BCAS3: variants seen among roughly 807,000 people sequenced by gnomAD.
The protein encoded by BCAS3 is BCAS4/BCAS3 fusion.
A neutral mutation model predicts 116.1 loss-of-function variants in BCAS3; 53 were observed. That is an observed-to-expected ratio of 0.46 (90% confidence interval 0.37 to 0.57). BCAS3 has a LOEUF of 0.57. BCAS3 is among the 20% of genes least tolerant of loss of function. The pLI is 0.00. For missense variants in BCAS3, 917 were observed against 1,165.4 expected, an observed-to-expected ratio of 0.79 and a Z score of 3.10; for synonymous variants, 391 against 408.2, an observed-to-expected ratio of 0.96 and a Z score of 0.51.
Position 60,952,688 on chromosome 17 carries a change from G to T in BCAS3, c.1221+5336G>T, listed in dbSNP as rs145907039. On this transcript the variant is annotated intron_variant, in intron 14 of 23. Coordinates refer to ENST00000407086, the MANE Select transcript of BCAS3 (RefSeq NM_017679.5). Reference sequence around the variant, plus strand: ...ATGTAGGTATATTCATGTCATGGGGGATTGTTGTACAGATTATTTTGCCAT... The same window carrying T: ...ATGTAGGTATATTCATGTCATGGGGTATTGTTGTACAGATTATTTTGCCAT... 3.4e-3 allele frequency among the ~76,000 whole-genome samples: 513 copies of T among 152,162 alleles called. 3 individuals carry two copies. The highest frequency in any genetic ancestry group is 0.012 in the African/African-American group (478 of 41,512).
At position 61,093,715 on chromosome 17, in the gene BCAS3, A is replaced by C. The variant is rs190126743; in HGVS notation, c.2425+9151A>C. ...TATGAATTGCACTGATGCCTTTTTA[A>C]AATTTTTATTTTTTCTTGGGTTCTT... On this transcript the variant is annotated intron_variant, in intron 22 of 23. Transcript: ENST00000407086. Among the ~76,000 whole-genome samples the C allele has an allele frequency of 3.9e-5, 6 of 152,298 alleles. No homozygotes were observed. The East Asian group carries it at 1.2e-3, about 29-fold the overall frequency.
At chr17:60,682,942 T>G (rs1172846898) in intron 2 of BCAS3, among the ~76,000 whole-genome samples, 1 of 152,112 alleles carries the variant, frequency 6.6e-6, no homozygotes, top group Non-Finnish European at 1.5e-5. Context: ...TCCCCTTCCC[T>G]TTTTTTGTTT....
rs2059503436 is a variant in BCAS3 at position 61,379,608 on chromosome 17, C to G, written c.2593+11114C>G. On this transcript the variant is annotated intron_variant, in intron 23 of 23. Transcript: ENST00000407086. This position sits in a 1 kb window ranked among gnomAD's most constrained non-coding sequence, Gnocchi z 5.5. ...TTTACTTATTTCTTCCTGCCCACTC[C>G]TCCTCCCACGTCACCCCTGCCCCCG... 6.6e-6 allele frequency: 1 copy of G among 152,198 alleles called. No homozygotes were observed. Among genetic ancestry groups the G allele is most frequent in the Non-Finnish European group, 1.5e-5 (1 of 68,048 alleles). 9.4% of individuals were successfully genotyped at this position (152,198 alleles called of 1,614,324 possible). A position where few individuals can be genotyped will look rare whatever the true frequency, so the allele number is the denominator to read the frequency against.
intron 22 of BCAS3, among the ~76,000 whole-genome samples, chr17:61,311,770 T>C (rs1364919002): frequency 1.3e-5 from 2 of 152,118 alleles, no homozygotes; most frequent in African/African-American, 4.8e-5. Flanking sequence ...GGCGGGCGCC[T>C]GTAGTCCCAG....
rs1298755762 is a variant in BCAS3, at chr17:61,026,478, A to C, written c.1638-8188A>C. On this transcript the variant is annotated intron_variant, in intron 16 of 23. Transcript: ENST00000407086. The surrounding 1 kb of genome is among the most constrained non-coding windows in gnomAD (Gnocchi z 5.0). ...ATCCAGTCATCGTTAGCTAATTTTA[A>C]CCATTTTGTGTCACATAGCTACACA... Among the ~76,000 whole-genome samples the C allele has an allele frequency of 6.6e-6, 1 of 152,164 alleles. No homozygotes were observed. The highest frequency in any genetic ancestry group is 1.9e-4 in the East Asian group (1 of 5,194).
At chr17:61,119,647 A>T (rs898345865) in intron 22 of BCAS3, among the ~76,000 whole-genome samples, 2 of 152,004 alleles carry the variant, frequency 1.3e-5, no homozygotes, top group Non-Finnish European at 2.9e-5. Flanking sequence ...CCATTATACA[A>T]TTACTCTAGA....
At chr17:61,272,007 G>A (rs116754141) in intron 22 of BCAS3, among the ~76,000 whole-genome samples, 2,355 of 148,706 alleles carry the variant, frequency 0.016, 75 homozygotes, top group African/African-American at 0.058. Context: ...ATGATGTATC[G>A]TTCTGTTGCC....
chr17:60,726,227 G>A (rs1239145375), intron 5 of BCAS3, among the ~76,000 whole-genome samples: 1 of 122,414 alleles, frequency 8.2e-6, no homozygotes, highest in South Asian at 2.6e-4. Context: ...TTGAGACAGA[G>A]TCTCACTCTG....
rs980728934 is a variant in BCAS3 at position 61,156,574 on chromosome 17, C to T, written c.2425+72010C>T. ...TCTCTCACCTTCTCCCTACCCAACC[C>T]CTGCCTCCCCTTTTATTTTTATGTC... On this transcript the variant is annotated intron_variant, in intron 22 of 23. Coordinates refer to ENST00000407086, the MANE Select transcript of BCAS3 (RefSeq NM_017679.5). This position sits in a 1 kb window ranked among gnomAD's most constrained non-coding sequence, Gnocchi z 4.7. Among the ~76,000 whole-genome samples the T allele has an allele frequency of 3.3e-5, 5 of 152,112 alleles. No homozygotes were observed. The highest frequency in any genetic ancestry group is 2.0e-4 in the Admixed American group (3 of 15,264).
At chr17:60,729,315 C>CTTT (rs560082947) in intron 5 of BCAS3, among the ~76,000 whole-genome samples, 2 of 109,086 alleles carry the variant, frequency 1.8e-5, no homozygotes, top group African/African-American at 6.6e-5. Context: ...TATGTGGACT[C>CTTT]TTTTTTTTTT....
intron 22 of BCAS3, among the ~76,000 whole-genome samples, chr17:61,154,595 T>A (rs958245850): frequency 6.6e-6 from 1 of 151,964 alleles, no homozygotes; most frequent in Non-Finnish European, 1.5e-5. Flanking sequence ...CCACCACACC[T>A]GACTAATTTT....
chr17:61,186,261 A>G lies in BCAS3; in HGVS notation c.2425+101697A>G, dbSNP rs2079769528. Among the ~76,000 whole-genome samples, 1 of 152,176 alleles carries G rather than the reference A, an allele frequency of 6.6e-6. No individual in the cohort carries two copies. The highest frequency in any genetic ancestry group is 2.4e-5 in the African/African-American group (1 of 41,454). ...TTATTTATATATTCATACACATTCTATAAAACCATTTTTAACCCATATGTT... is the reference window on the plus strand; with the variant it reads ...TTATTTATATATTCATACACATTCTGTAAAACCATTTTTAACCCATATGTT... On this transcript the variant is annotated intron_variant, in intron 22 of 23. Transcript: ENST00000407086. This position sits in a 1 kb window ranked among gnomAD's most constrained non-coding sequence, Gnocchi z 4.9.
At chr17:60,712,647 T>G (rs185331503) in intron 5 of BCAS3, among the ~76,000 whole-genome samples, 2 of 152,286 alleles carry the variant, frequency 1.3e-5, no homozygotes, top group Admixed American at 1.3e-4. Context: ...GTGAGTAGTT[T>G]TGTAGTTAAG....
rs916284342 is a variant in BCAS3 at position 60,994,037 on chromosome 17, T to G, written c.1486+3802T>G. 1.3e-5 allele frequency among the ~76,000 whole-genome samples: 2 copies of G among 152,172 alleles called. No individual in the cohort carries two copies. The highest frequency in any genetic ancestry group is 4.8e-5 in the African/African-American group (2 of 41,452). The stretch of plus-strand genomic sequence containing the variant: ...GATAGGAAAAAAATTTACATCTTTA[T>G]ATTCACTATCCTTTAACCAAAAGTA... On this transcript the variant is annotated intron_variant, in intron 15 of 23. Transcript: ENST00000407086. The surrounding 1 kb of genome is among the most constrained non-coding windows in gnomAD (Gnocchi z 4.4).
At chr17:60,955,572 G>A (rs1468210160) in intron 14 of BCAS3, among the ~76,000 whole-genome samples, 1 of 151,620 alleles carries the variant, frequency 6.6e-6, no homozygotes, top group Non-Finnish European at 1.5e-5. Flanking sequence ...TAGTAGAGAT[G>A]GGGTTTCACC....
intron 7 of BCAS3, among the ~76,000 whole-genome samples, chr17:60,866,523 T>G (rs1243258199): frequency 6.6e-6 from 1 of 152,232 alleles, no homozygotes; most frequent in Non-Finnish European, 1.5e-5. Context: ...TATATTTATT[T>G]AGTTTTTGGA....
At chr17:61,115,394 G>A (rs1266372061) in intron 22 of BCAS3, among the ~76,000 whole-genome samples, 1 of 150,224 alleles carries the variant, frequency 6.7e-6, no homozygotes, top group Non-Finnish European at 1.5e-5. Context: ...AAATTTACAA[G>A]AAAAAAACAA....
rs2076363116 is a variant in BCAS3 at position 61,131,909 on chromosome 17, T to C, written c.2425+47345T>C. Among the ~76,000 whole-genome samples, 4 of 152,236 alleles carry C rather than the reference T, an allele frequency of 2.6e-5. No homozygotes were observed. The highest frequency in any genetic ancestry group is 1.5e-5 in the Non-Finnish European group (1 of 68,042). On this transcript the variant is annotated intron_variant, in intron 22 of 23. Transcript: ENST00000407086. The surrounding 1 kb of genome is among the most constrained non-coding windows in gnomAD (Gnocchi z 4.4). Reference sequence around the variant, plus strand: ...TGGTAGCCAAAGGAAATATTTCTTCTTTGTTGTTTATTTCTCATGGCACTG... The same window carrying C: ...TGGTAGCCAAAGGAAATATTTCTTCCTTGTTGTTTATTTCTCATGGCACTG...
At chr17:61,207,833 G>T (rs1303540768) in intron 22 of BCAS3, among the ~76,000 whole-genome samples, 1 of 152,088 alleles carries the variant, frequency 6.6e-6, no homozygotes, top group African/African-American at 2.4e-5. Context: ...TAAACTAAGA[G>T]AAATAAGGTA....
Sources: allele counts gnomAD v4.1 joint callset (sites outside exome capture counted in the v4.1 genomes callset), GRCh38; gene constraint gnomAD v4.1.1; non-coding constraint Gnocchi (gnomAD v3.1); transcripts MANE v1.5; gene names NCBI Gene and HGNC (gene_info 2026-07-23, HGNC 2026-07-21).